LRRC61: variants seen among roughly 807,000 people sequenced by gnomAD.
LRRC61 encodes the protein leucine rich repeat containing 61, also known as leucine-rich repeat-containing protein 61.
In LRRC61, 9 loss-of-function variants were observed where a neutral mutation model predicts 15.1. The ratio of observed to expected loss-of-function variants is 0.60; its 90% confidence interval spans 0.36 to 1.04. LRRC61 has a LOEUF of 1.04. LRRC61 is among the 50% of genes least tolerant of loss of function. The pLI is 0.01. For synonymous variants in LRRC61, 173 were observed against 158.6 expected (o/e 1.09, Z -0.68); for missense variants, 344 against 335.6 (o/e 1.03, Z -0.20).
upstream of LRRC61, among the ~76,000 whole-genome samples, chr7:150,319,030 C>A (rs150687997): frequency 6.8e-4 from 103 of 152,198 alleles, no homozygotes; most frequent in African/African-American, 2.0e-3. Context: ...TAGGAAGATA[C>A]CTGGGCTGTA....
chr7:150,331,252 T>G, intron 2 of LRRC61: 3 of 871,108 alleles, frequency 3.4e-6, no homozygotes, highest in Non-Finnish European at 5.3e-6. Flanking sequence ...TCCCCTCATC[T>G]GCTCTAGTGG....
intron 2 of LRRC61, chr7:150,331,013 T>A (rs1329011952): frequency 6.2e-7 from 1 of 1,611,584 alleles, no homozygotes. Flanking sequence ...TGTGGGAGAA[T>A]GAGACCGTTG....
chr7:150,310,908 G>A, the LRRC61 span, among the ~76,000 whole-genome samples: 1 of 151,966 alleles, frequency 6.6e-6, no homozygotes, highest in African/African-American at 2.4e-5. Context: ...CCCCTTCAAG[G>A]CTCAAATGTC....
chr7:150,329,241 G>C (rs143247083), intron 2 of LRRC61, among the ~76,000 whole-genome samples: 353 of 152,354 alleles, frequency 2.3e-3, no homozygotes, highest in African/African-American at 8.2e-3. Flanking sequence ...ACTTATCCCT[G>C]AGGTTGCTCA....
chr7:150,321,298 T>G (rs1175367884), upstream of LRRC61, among the ~76,000 whole-genome samples: 1 of 152,236 alleles, frequency 6.6e-6, no homozygotes, highest in Non-Finnish European at 1.5e-5. Context: ...TTGAATAAAG[T>G]CTCTCACCTT....
chr7:150,331,231 T>C (rs930957313), intron 2 of LRRC61: 2 of 1,035,010 alleles, frequency 1.9e-6, no homozygotes, highest in Admixed American at 2.8e-5. Flanking sequence ...GTTCCCCAAC[T>C]ACACCCCGCC....
chr7:150,320,431 C>T (rs866977707), upstream of LRRC61, among the ~76,000 whole-genome samples: 2 of 152,164 alleles, frequency 1.3e-5, no homozygotes, highest in Non-Finnish European at 2.9e-5. Context: ...TATGAGTGGA[C>T]TATTATCTTT....
At chr7:150,311,995 A>G in the LRRC61 span, among the ~76,000 whole-genome samples, 2 of 152,200 alleles carry the variant, frequency 1.3e-5, no homozygotes, top group Admixed American at 6.5e-5. Flanking sequence ...TCTCTAATAA[A>G]GGCCCTTCTT....
At position 150,337,351 on chromosome 7, in the gene LRRC61, C is replaced by A. The variant is rs779284257; in HGVS notation, c.490C>A (p.Arg164Ser). 1 of 1,604,662 alleles carries A rather than the reference C, an allele frequency of 6.2e-7. No individual in the cohort carries two copies. Among genetic ancestry groups the A allele is most frequent in the Admixed American group, 1.7e-5 (1 of 60,028 alleles). The change falls in exon 3 of 3, where the codon CGT becomes AGT. Residue 164 changes from arginine to serine, a missense_variant. Arg to Ser is a moderately radical substitution (Grantham distance 110, BLOSUM62 -1). Transcript: ENST00000359623. ...LPGLKVIDGE[R>S]VIGRGSEFYQ... is the part of the protein sequence containing the mutation. The stretch of plus-strand genomic sequence containing the variant: ...TGGCCTGAAAGTCATCGACGGTGAG[C>A]GTGTGATTGGGCGTGGTAGTGAGTT...
chr7:150,319,765 A>C (rs1585023954), upstream of LRRC61, among the ~76,000 whole-genome samples: 1 of 152,322 alleles, frequency 6.6e-6, no homozygotes, highest in Non-Finnish European at 1.5e-5. Flanking sequence ...CCCGAGACAG[A>C]GTTAGCAGCT....
upstream of LRRC61, among the ~76,000 whole-genome samples, chr7:150,320,921 C>G (rs939925562): frequency 2.0e-5 from 3 of 152,192 alleles, no homozygotes; most frequent in African/African-American, 7.2e-5. Flanking sequence ...GTTAGGACAC[C>G]TCTGACAATA....
upstream of LRRC61, among the ~76,000 whole-genome samples, chr7:150,319,624 G>A (rs1246311963): frequency 6.6e-6 from 1 of 152,226 alleles, no homozygotes; most frequent in Non-Finnish European, 1.5e-5. Flanking sequence ...GGAAGATGGA[G>A]GCAAAGCACT....
chr7:150,325,364 C>T (rs1257339996), intron 1 of LRRC61, among the ~76,000 whole-genome samples: 3 of 152,234 alleles, frequency 2.0e-5, no homozygotes, highest in Non-Finnish European at 2.9e-5. Flanking sequence ...TATGGGCAGG[C>T]GTGCAGCCCA....
At chr7:150,329,252 G>A (rs1404446113) in intron 2 of LRRC61, among the ~76,000 whole-genome samples, 3 of 152,228 alleles carry the variant, frequency 2.0e-5, no homozygotes, top group Non-Finnish European at 4.4e-5. Flanking sequence ...AGGTTGCTCA[G>A]TACCTGAGAA....
At chr7:150,315,696 C>A in the LRRC61 span, among the ~76,000 whole-genome samples, 1 of 152,182 alleles carries the variant, frequency 6.6e-6, no homozygotes, top group Admixed American at 6.5e-5. Context: ...GTCATTGTTA[C>A]AAGTTCTTGT....
chr7:150,322,321 T>C (rs937326336), upstream of LRRC61, among the ~76,000 whole-genome samples: 13 of 152,290 alleles, frequency 8.5e-5, no homozygotes, highest in Admixed American at 7.8e-4. Flanking sequence ...AGACAGAAGG[T>C]TGGCACAAGA....
chr7:150,329,305 A>G lies in LRRC61; in HGVS notation c.-145+3295A>G, dbSNP rs533487718. Among the ~76,000 whole-genome samples, 99 of 152,382 alleles carry G rather than the reference A, an allele frequency of 6.5e-4. 1 individual carries two copies. Among genetic ancestry groups the G allele is most frequent in the Non-Finnish European group, 1.2e-3 (82 of 68,042 alleles). On this transcript the variant is annotated intron_variant, in intron 2 of 2. Coordinates refer to ENST00000359623, the MANE Select transcript of LRRC61 (RefSeq NM_001142928.2). ...CCGAGATTAAAGTAGACAACAGCAC[A>G]AACAACATTAAGGGGAATAAAAGCT...
At chr7:150,311,685 C>T in the LRRC61 span, among the ~76,000 whole-genome samples, 1 of 152,196 alleles carries the variant, frequency 6.6e-6, no homozygotes, top group African/African-American at 2.4e-5. Context: ...AATCCCAAAC[C>T]CAGACCACAC....
At chr7:150,320,631 C>T (rs947733401), upstream of LRRC61, among the ~76,000 whole-genome samples, 4 of 152,106 alleles carry the variant, frequency 2.6e-5, no homozygotes, top group Middle Eastern at 3.2e-3. Flanking sequence ...GGTAAAGTGG[C>T]GCACATCTGT....
Sources: allele counts gnomAD v4.1 joint callset (sites outside exome capture counted in the v4.1 genomes callset), GRCh38; gene constraint gnomAD v4.1.1; transcripts MANE v1.5; gene names NCBI Gene and HGNC (gene_info 2026-07-23, HGNC 2026-07-21).